The following FNDC5 variants were observed in gnomAD, a reference collection of about 807,000 sequenced individuals.
FNDC5 encodes fibronectin type III domain-containing protein 5.
FNDC5 carries 10 observed loss-of-function variants against 24.6 expected under a neutral mutation model. The ratio of observed to expected loss-of-function variants is 0.41; its 90% CI spans 0.25 to 0.69. The LOEUF (loss-of-function observed/expected upper bound fraction) is 0.69, where lower values mean the gene tolerates loss of function less well. Ranked by LOEUF, FNDC5 falls within the 30% of genes least tolerant of loss-of-function variation. FNDC5 has a pLI of 0.34. For missense variants in FNDC5, 226 were observed against 282.9 expected, an observed-to-expected ratio of 0.80 and a Z score of 1.44; for synonymous variants, 90 against 110.7, an observed-to-expected ratio of 0.81 and a Z score of 1.18.
rs1641109316 is a variant in FNDC5, at chr1:32,868,209, C to T, written c.390G>A (p.Lys130=). 3 of 1,614,168 alleles carry T rather than the reference C, an allele frequency of 1.9e-6. No homozygotes were observed. Among genetic ancestry groups the T allele is most frequent in the Non-Finnish European group, 2.5e-6 (3 of 1,180,040 alleles). Reference sequence around the variant, plus strand: ...GCCTGCCTTTGTTCTTGGAGGCCATCTTCTCAGCCTCACGCGGGGTCTTGA... The same window carrying T: ...GCCTGCCTTTGTTCTTGGAGGCCATTTTCTCAGCCTCACGCGGGGTCTTGA... The change falls in exon 3 of 6, where the codon AAG becomes AAA. Residue 130 remains lysine, a synonymous_variant. Coordinates refer to ENST00000373471, the MANE Select transcript of FNDC5 (RefSeq NM_153756.3). The surrounding 1 kb of genome is among the most constrained non-coding windows in gnomAD (Gnocchi z 4.8).
rs1557527606 is a variant in FNDC5, at chr1:32,864,807, G to GAC, written c.500-12_500-11dup. On this transcript the variant is annotated splice_polypyrimidine_tract_variant and intron_variant, in intron 4 of 5. Coordinates refer to ENST00000373471, the MANE Select transcript of FNDC5 (RefSeq NM_153756.3). ...AAGAGGGCAATGACACCTGAGGGGG[G>GAC]ACAAGTGAGCAGTCAGAGGCCAGAG... 3.7e-6 allele frequency: 6 copies of GAC among 1,613,754 alleles called. No homozygotes were observed. The highest frequency in any genetic ancestry group is 5.1e-6 in the Non-Finnish European group (6 of 1,179,972).
chr1:32,869,852 C>T (rs1264265162), intron 1 of FNDC5, among the ~76,000 whole-genome samples: 3 of 152,036 alleles, frequency 2.0e-5, no homozygotes, highest in African/African-American at 4.8e-5. Context: ...GGCAGAGCTG[C>T]GCCTGAGCAG....
intron 4 of FNDC5, among the ~76,000 whole-genome samples, chr1:32,866,945 C>G (rs1256210586): frequency 6.6e-6 from 1 of 152,064 alleles, no homozygotes; most frequent in Non-Finnish European, 1.5e-5. Context: ...AAAAAATTAG[C>G]CAGGCATGGT....
Position 32,864,039 on chromosome 1 carries a change from C to A in FNDC5, c.*255G>T. On this transcript the variant is annotated 3_prime_UTR_variant, in exon 6 of 6. Transcript: ENST00000373471. ...CATGGCCCCTGGCACCCAGTCTACC[C>A]CCAGCAGTCATCCCTCTGAGTGCAG... 2.1e-6 allele frequency: 3 copies of A among 1,402,188 alleles called. No individual in the cohort carries two copies. The highest frequency in any genetic ancestry group is 2.8e-6 in the Non-Finnish European group (3 of 1,074,412). 86.9% of individuals were successfully genotyped at this position (1,402,188 alleles called of 1,614,324 possible).
At position 32,867,809 on chromosome 1, in the gene FNDC5, T is replaced by A; in HGVS notation, c.443A>T (p.Gln148Leu). 6.2e-7 allele frequency: 1 copy of A among 1,614,110 alleles called. No individual in the cohort carries two copies. The highest frequency in any genetic ancestry group is 8.5e-7 in the Non-Finnish European group (1 of 1,180,014). The change falls in exon 4 of 6, where the codon CAA (glutamine) becomes CTA (leucine). Residue 148 changes from glutamine to leucine, a missense_variant. Coordinates refer to ENST00000373471, the MANE Select transcript of FNDC5 (RefSeq NM_153756.3). ...CAGCACCTCGCCTGTCCGCAGCTGT[T>A]GGTTCCTCCCCATCTCTTTCATGGT... is the stretch of plus-strand genomic sequence containing the variant.
chr1:32,867,584 A>T (rs1042005377), intron 4 of FNDC5, among the ~76,000 whole-genome samples, 169 bp downstream of exon 4: 2 of 152,192 alleles, frequency 1.3e-5, no homozygotes, highest in African/African-American at 4.8e-5. Flanking sequence ...AGTGAGGTAG[A>T]GAAGGGGTCA....
At chr1:32,864,642 C>G (rs372666011) in intron 5 of FNDC5, 22 bp downstream of exon 5, 44 of 1,613,436 alleles carry the variant, frequency 2.7e-5, no homozygotes, top group Non-Finnish European at 3.4e-5. Context: ...GTGGCCCACC[C>G]AGGCCCAGGT....
In FNDC5 at chr1:32,868,439, T is replaced by C; in HGVS notation, c.211-51A>G. The C allele has an allele frequency of 1.3e-6, 2 of 1,572,600 alleles. No homozygotes were observed. Among genetic ancestry groups the C allele is most frequent in the Non-Finnish European group, 1.7e-6 (2 of 1,154,860 alleles). On this transcript the variant is annotated intron_variant, in intron 2 of 5. Transcript: ENST00000373471. This position sits in a 1 kb window ranked among gnomAD's most constrained non-coding sequence, Gnocchi z 4.8. ...GTCAACACTCGGTGACCAGCCCCGC[T>C]CCTGCCCACCTCCCAGTGGTGACAA...
intron 4 of FNDC5, among the ~76,000 whole-genome samples, chr1:32,865,477 C>A (rs1206954733): frequency 6.6e-6 from 1 of 151,604 alleles, no homozygotes; most frequent in Non-Finnish European, 1.5e-5. Context: ...CATGGTGAAA[C>A]CCTGTCTACT....
At chr1:32,865,325 C>T (rs937983444) in intron 4 of FNDC5, among the ~76,000 whole-genome samples, 5 of 151,302 alleles carry the variant, frequency 3.3e-5, no homozygotes, top group Admixed American at 3.3e-4. Flanking sequence ...TCTCGAACTC[C>T]CGACCTCAGG....
intron 4 of FNDC5, among the ~76,000 whole-genome samples, chr1:32,865,168 C>T (rs1641047159): frequency 6.6e-6 from 1 of 152,006 alleles, no homozygotes. Flanking sequence ...GGCGCGATCT[C>T]GGTTCACTGC....
At chr1:32,871,593 T>A (rs115967415), upstream of FNDC5, among the ~76,000 whole-genome samples, 617 of 152,374 alleles carry the variant, frequency 4.0e-3, 5 homozygotes, top group African/African-American at 0.014. Context: ...AAAGTCATAC[T>A]CTGCACACTT....
In FNDC5 at chr1:32,864,041, C is replaced by A; in HGVS notation, c.*253G>T. On this transcript the variant is annotated 3_prime_UTR_variant, in exon 6 of 6. Transcript: ENST00000373471. ...TGGCCCCTGGCACCCAGTCTACCCC[C>A]AGCAGTCATCCCTCTGAGTGCAGCC... 1 of 1,407,076 alleles carries A rather than the reference C, an allele frequency of 7.1e-7. No homozygotes were observed. The highest frequency in any genetic ancestry group is 1.4e-5 in the South Asian group (1 of 69,658). The allele number at this position is 1,407,076 out of a possible 1,614,324, so 87.2% of individuals were successfully genotyped here.
intron 5 of FNDC5, 24 bp from the exon 6 acceptor site, chr1:32,864,323 A>G (rs1209863924): frequency 6.2e-7 from 1 of 1,613,758 alleles, no homozygotes; most frequent in East Asian, 2.2e-5. Context: ...GAGGAAATGA[A>G]GGTACAGCGG....
In FNDC5 at chr1:32,864,701, G is replaced by A. The variant is rs185141197; in HGVS notation, c.596C>T (p.Thr199Ile). The A allele has an allele frequency of 1.7e-4, 270 of 1,614,188 alleles. No homozygotes were observed. In the Admixed American group the frequency reaches 4.1e-3, roughly 25 times the overall value. The change falls in exon 5 of 6, where the codon ACA becomes ATA. Residue 199 changes from threonine (T) to isoleucine (I), a missense_variant. Coordinates refer to ENST00000373471, the MANE Select transcript of FNDC5 (RefSeq NM_153756.3). The stretch of plus-strand genomic sequence containing the variant: ...AAGCCCCCCGCCCTGGTGCTCTGGT[G>A]TGCTGGTTTCTGATGCACTCTTGGT...
At position 32,863,940 on chromosome 1, in the gene FNDC5, G is replaced by T; in HGVS notation, c.*354C>A. ...AAGAAAAGAGAAGCCCTGCCTGGAT[G>T]TCTTGTCTTTTTGCCTTTTCAAACC... On this transcript the variant is annotated 3_prime_UTR_variant, in exon 6 of 6. Coordinates refer to ENST00000373471, the MANE Select transcript of FNDC5 (RefSeq NM_153756.3). 1 of 1,275,636 alleles carries T rather than the reference G, an allele frequency of 7.8e-7. No individual in the cohort carries two copies. The highest frequency in any genetic ancestry group is 1.0e-6 in the Non-Finnish European group (1 of 990,926). The allele number at this position is 1,275,636 out of a possible 1,614,324, so 79.0% of individuals were successfully genotyped here.
intron 5 of FNDC5, 143 bp downstream of exon 5, chr1:32,864,521 C>T (rs905403374): frequency 6.5e-7 from 1 of 1,532,066 alleles, no homozygotes; most frequent in East Asian, 2.3e-5. Flanking sequence ...CTTGCAGTGT[C>T]CCTGTGTCAC....
chr1:32,868,151 C>A lies in FNDC5; in HGVS notation c.409+39G>T, dbSNP rs1444786378. ...CACTGGTCTGGTCCTGACCACCCCT[C>A]ACCCCACCCCATTCCTCTTAACAGT... On this transcript the variant is annotated intron_variant, in intron 3 of 5. Transcript: ENST00000373471. This position sits in a 1 kb window ranked among gnomAD's most constrained non-coding sequence, Gnocchi z 4.8. The A allele has an allele frequency of 3.1e-6, 5 of 1,606,638 alleles. No individual in the cohort carries two copies. Among genetic ancestry groups the A allele is most frequent in the Non-Finnish European group, 4.3e-6 (5 of 1,175,638 alleles).
At chr1:32,870,118 G>A (rs903664732) in intron 1 of FNDC5, among the ~76,000 whole-genome samples, 1 of 152,074 alleles carries the variant, frequency 6.6e-6, no homozygotes, top group African/African-American at 2.4e-5. Context: ...AGGAGAGGCT[G>A]GGCAAGGACG....
Sources: allele counts gnomAD v4.1 joint callset (sites outside exome capture counted in the v4.1 genomes callset), GRCh38; gene constraint gnomAD v4.1.1; non-coding constraint Gnocchi (gnomAD v3.1); transcripts MANE v1.5; gene names NCBI Gene and HGNC (gene_info 2026-07-23, HGNC 2026-07-21).